ITPR1: variants seen among roughly 807,000 people sequenced by gnomAD.
ITPR1 encodes inositol 1,4,5-trisphosphate receptor type 1.
ITPR1 carries 96 observed loss-of-function variants against 318.4 expected under a neutral mutation model. That is an observed-to-expected ratio of 0.30 (90% CI 0.26 to 0.36). The LOEUF is 0.36. Among genes scored for constraint, ITPR1 ranks in the 10% least tolerant of loss-of-function variants. ITPR1 has a pLI of 1.00. For missense variants in ITPR1, 2,440 were observed against 3,460.2 expected, an observed-to-expected ratio of 0.71 and a Z score of 7.40; for synonymous variants, 1,312 against 1,289.9, an observed-to-expected ratio of 1.02 and a Z score of -0.37.
chr3:4,797,963 C>G (rs1250806946), intron 53 of ITPR1, among the ~76,000 whole-genome samples: 1 of 152,214 alleles, frequency 6.6e-6, no homozygotes, highest in East Asian at 1.9e-4. Context: ...TCAGATTTCT[C>G]CAACTGTCTC....
intron 5 of ITPR1, among the ~76,000 whole-genome samples, chr3:4,629,555 C>G (rs555001557): frequency 4.9e-4 from 74 of 152,304 alleles, no homozygotes; most frequent in African/African-American, 1.8e-3. Flanking sequence ...ACTGCTGTAT[C>G]CCAGCTTCTG....
chr3:4,783,949 G>T, intron 51 of ITPR1, 29 bp downstream of exon 51: 2 of 1,514,428 alleles, frequency 1.3e-6, no homozygotes, highest in Non-Finnish European at 1.8e-6. Flanking sequence ...CAGGGCATGG[G>T]GTTGTGTTGA....
rs545692745 is a variant in ITPR1, at chr3:4,831,481, C to G, written c.8029-5293C>G. On this transcript the variant is annotated intron_variant, in intron 60 of 61. Coordinates refer to ENST00000649015, the MANE Select transcript of ITPR1 (RefSeq NM_001378452.1). ...CAAGGAGTGAGTGAAGCAAAGCAGA[C>G]TGAAGCCAGAGTCAGACCCAGTGGC... 1.6e-3 allele frequency: 261 copies of G among 161,434 alleles called. 6 individuals are homozygous for G. The South Asian group carries it at 0.042, about 26-fold the overall frequency. 10.0% of individuals were successfully genotyped at this position (161,434 alleles called of 1,614,324 possible). A position where few individuals can be genotyped will look rare whatever the true frequency, so the allele number is the denominator to read the frequency against.
chr3:4,587,222 T>A (rs2089994671), intron 4 of ITPR1, among the ~76,000 whole-genome samples: 1 of 151,682 alleles, frequency 6.6e-6, no homozygotes, highest in Non-Finnish European at 1.5e-5. Context: ...GGCCTGCATT[T>A]CTAGCAAGCA....
intron 53 of ITPR1, 172 bp from the exon 54 acceptor site, chr3:4,800,253 C>A (rs1310211789): frequency 1.4e-5 from 8 of 583,606 alleles, no homozygotes; most frequent in Non-Finnish European, 2.0e-5. Flanking sequence ...GCTTGGAGGT[C>A]AAAAAATGCT....
At chr3:4,761,056 A>G (rs2045405515) in intron 44 of ITPR1, among the ~76,000 whole-genome samples, 1 of 152,188 alleles carries the variant, frequency 6.6e-6, no homozygotes, top group Non-Finnish European at 1.5e-5. Context: ...TTTCTTCTAG[A>G]AAGTTGTCTC....
Position 4,639,338 on chromosome 3 carries a change from A to T in ITPR1, c.280-46A>T, listed in dbSNP as rs1020477687. 50 of 1,408,742 alleles carry T rather than the reference A, an allele frequency of 3.5e-5. 1 individual carries two copies. Among genetic ancestry groups the T allele is most frequent in the Non-Finnish European group, 4.7e-5 (48 of 1,016,602 alleles). The allele number at this position is 1,408,742 out of a possible 1,614,324, so 87.3% of individuals were successfully genotyped here. ...TTCTGCGTCACTGCAGTGGGATAGA[A>T]CACATGGTTTCCTCTTTGTGATCAA... On this transcript the variant is annotated intron_variant, in intron 5 of 61. Coordinates refer to ENST00000649015, the MANE Select transcript of ITPR1 (RefSeq NM_001378452.1).
At chr3:4,838,138 T>C (rs1250757752) in intron 61 of ITPR1, among the ~76,000 whole-genome samples, 1 of 152,198 alleles carries the variant, frequency 6.6e-6, no homozygotes, top group Non-Finnish European at 1.5e-5. Context: ...AACTGTGCCC[T>C]GAGATACCAT....
intron 37 of ITPR1, among the ~76,000 whole-genome samples, chr3:4,709,760 G>A (rs1396063266): frequency 1.3e-5 from 2 of 152,180 alleles, no homozygotes; most frequent in African/African-American, 4.8e-5. Flanking sequence ...GATACAGCAT[G>A]TTCATTCATT....
intron 30 of ITPR1, among the ~76,000 whole-genome samples, chr3:4,686,317 G>T (rs1488007829): frequency 1.3e-5 from 2 of 152,156 alleles, no homozygotes; most frequent in East Asian, 3.9e-4. Flanking sequence ...GGCAGGTCAG[G>T]CCTTTCGGTA....
chr3:4,568,849 A>T (rs2087674886), intron 4 of ITPR1, among the ~76,000 whole-genome samples: 1 of 152,096 alleles, frequency 6.6e-6, no homozygotes, highest in Non-Finnish European at 1.5e-5. Context: ...TTATAAAGAA[A>T]AGAGGTTTAA....
chr3:4,544,013 G>A (rs2084726277), intron 4 of ITPR1, among the ~76,000 whole-genome samples: 1 of 152,054 alleles, frequency 6.6e-6, no homozygotes, highest in Non-Finnish European at 1.5e-5. Context: ...AGGAATAAGG[G>A]ACAACACAGT....
At chr3:4,817,721 A>G (rs1358468774) in intron 59 of ITPR1, among the ~76,000 whole-genome samples, 1 of 152,232 alleles carries the variant, frequency 6.6e-6, no homozygotes, top group Non-Finnish European at 1.5e-5. Context: ...GGGACTTCAC[A>G]TTCCCTGGTT....
At chr3:4,674,441 G>C (rs2094145939) in intron 22 of ITPR1, 98 bp downstream of exon 22, 1 of 1,030,140 alleles carries the variant, frequency 9.7e-7, no homozygotes, top group South Asian at 1.8e-5. Flanking sequence ...TGTGATTTTG[G>C]TCATGATGCT....
chr3:4,520,342 T>G (rs1292793315), intron 3 of ITPR1, among the ~76,000 whole-genome samples: 1 of 152,216 alleles, frequency 6.6e-6, no homozygotes, highest in Non-Finnish European at 1.5e-5. Context: ...TGTGAGCTTA[T>G]TTATTTGTAA....
At chr3:4,516,326 A>G (rs1315716531) in intron 2 of ITPR1, 150 bp from the exon 3 acceptor site, 2 of 525,576 alleles carry the variant, frequency 3.8e-6, no homozygotes, top group Non-Finnish European at 6.6e-6. Flanking sequence ...TACTTGGCTC[A>G]TTGAATCGCC....
intron 4 of ITPR1, among the ~76,000 whole-genome samples, chr3:4,589,571 C>G (rs1038236744): frequency 6.6e-6 from 1 of 152,144 alleles, no homozygotes; most frequent in African/African-American, 2.4e-5. Flanking sequence ...CTGTGGCCTT[C>G]TAGTAGTGGA....
chr3:4,651,761 A>G (rs1270535927), intron 10 of ITPR1, among the ~76,000 whole-genome samples: 1 of 152,226 alleles, frequency 6.6e-6, no homozygotes, highest in Non-Finnish European at 1.5e-5. Flanking sequence ...GCACATGAGT[A>G]CATGCGTAGA....
chr3:4,611,879 A>G (rs1453959049), intron 4 of ITPR1, among the ~76,000 whole-genome samples: 1 of 152,230 alleles, frequency 6.6e-6, no homozygotes, highest in South Asian at 2.1e-4. Context: ...AAGCCTATTT[A>G]TGAATCAAGA....
Sources: gnomAD v4.1 joint callset for allele counts (sites outside exome capture counted in the v4.1 genomes callset) on GRCh38, gnomAD v4.1.1 for gene constraint, MANE v1.5 for transcripts, NCBI Gene and HGNC (gene_info 2026-07-23, HGNC 2026-07-21) for gene names.